The following AMD1 variants were observed in gnomAD, a reference collection of about 807,000 sequenced individuals.
AMD1 encodes adenosylmethionine decarboxylase 1.
In AMD1, 11 loss-of-function variants were observed where a neutral mutation model predicts 40.2. That is an observed-to-expected ratio of 0.27 (90% CI 0.17 to 0.45). The LOEUF (loss-of-function observed/expected upper bound fraction) is 0.45, where lower values mean the gene tolerates loss of function less well. Among genes scored for constraint, AMD1 ranks in the 20% least tolerant of loss-of-function variants. AMD1 has a pLI of 1.00. For synonymous variants in AMD1, 121 were observed against 130.8 expected (o/e 0.93, Z 0.51); for missense variants, 257 against 410.2 (o/e 0.63, Z 3.23).
At chr6:110,814,968 G>A in the AMD1 span, 1 of 1,596,778 alleles carries the variant, frequency 6.3e-7, no homozygotes, top group Non-Finnish European at 8.5e-7. Flanking sequence ...CGGGCAGGGC[G>A]AGGACCCGAG....
the AMD1 span, among the ~76,000 whole-genome samples, chr6:110,851,727 G>C: frequency 6.6e-6 from 1 of 152,104 alleles, no homozygotes; most frequent in Non-Finnish European, 1.5e-5. Flanking sequence ...CTCCCAAAAT[G>C]CTGGGATTAC....
At chr6:110,825,018 C>G in the AMD1 span, among the ~76,000 whole-genome samples, 1 of 152,106 alleles carries the variant, frequency 6.6e-6, no homozygotes, top group Non-Finnish European at 1.5e-5. Flanking sequence ...GACTGCAATA[C>G]CCAGTATAGT....
At chr6:110,841,697 G>C in the AMD1 span, among the ~76,000 whole-genome samples, 1 of 148,560 alleles carries the variant, frequency 6.7e-6, no homozygotes, top group Non-Finnish European at 1.5e-5. Context: ...ATTCAGGTGT[G>C]TTAGATACAA....
the AMD1 span, among the ~76,000 whole-genome samples, chr6:110,833,709 C>A: frequency 2.5e-4 from 38 of 152,130 alleles, 1 homozygote; most frequent in East Asian, 3.5e-3. Flanking sequence ...TTTTCTTTAC[C>A]CTCTTAAAAG....
chr6:110,815,741 A>G, the AMD1 span: 2 of 152,458 alleles, frequency 1.3e-5, no homozygotes, highest in Non-Finnish European at 2.9e-5. Flanking sequence ...GCCTTACTCT[A>G]GTGGGAAGGG....
chr6:110,888,320 C>T (rs757914200), intron 2 of AMD1: 1 of 152,258 alleles, frequency 6.6e-6, no homozygotes, highest in African/African-American at 2.4e-5. Context: ...CCCCTCCCCC[C>T]CTTTTTTTTT....
chr6:110,883,957 A>G (rs1254263524), intron 1 of AMD1, among the ~76,000 whole-genome samples: 1 of 152,162 alleles, frequency 6.6e-6, no homozygotes, highest in African/African-American at 2.4e-5. Context: ...TGAGTCAGGC[A>G]TTGTCAGAGA....
chr6:110,892,109 A>G lies in AMD1; in HGVS notation c.428-52A>G, dbSNP rs372977949. 2.6e-5 allele frequency: 42 copies of G among 1,587,298 alleles called. No individual in the cohort carries two copies. The African/African-American group carries it at 5.4e-4, about 20-fold the overall frequency. On this transcript the variant is annotated intron_variant, in intron 4 of 8. Transcript: ENST00000368885. The stretch of plus-strand genomic sequence containing the variant: ...TATTGTGGAAGGGTAGTAACAAACC[A>G]TCCTATTAAATGGATGTGTTATATT...
At chr6:110,858,795 C>G in the AMD1 span, 1 of 768,194 alleles carries the variant, frequency 1.3e-6, no homozygotes, top group South Asian at 1.4e-5. Flanking sequence ...GCGTACAGCA[C>G]AAGGAGGCAT....
At chr6:110,885,458 TCTCC>T (rs1461749454) in intron 1 of AMD1, among the ~76,000 whole-genome samples, 3 of 151,798 alleles carry the variant, frequency 2.0e-5, no homozygotes, top group African/African-American at 7.3e-5. Flanking sequence ...TGAGACGGAG[TCTCC>T]CTCTGTTGCC....
the AMD1 span, among the ~76,000 whole-genome samples, chr6:110,818,602 G>A: frequency 1.3e-5 from 2 of 152,094 alleles, no homozygotes; most frequent in East Asian, 3.9e-4. Context: ...ATGCTGTGGC[G>A]CGATCTCACC....
the AMD1 span, among the ~76,000 whole-genome samples, chr6:110,830,568 G>T: frequency 6.6e-6 from 1 of 152,186 alleles, no homozygotes; most frequent in African/African-American, 2.4e-5. Context: ...ATTTGCATGT[G>T]ATTAAAACTG....
the AMD1 span, among the ~76,000 whole-genome samples, chr6:110,843,304 A>G: frequency 6.6e-6 from 1 of 151,366 alleles, no homozygotes; most frequent in Admixed American, 6.6e-5. Context: ...TCTACTAAAA[A>G]TACAAAAAAA....
the AMD1 span, among the ~76,000 whole-genome samples, chr6:110,845,202 C>T: frequency 1.2e-4 from 19 of 152,164 alleles, no homozygotes; most frequent in Admixed American, 9.8e-4. Flanking sequence ...CCACGCCCGG[C>T]TAATTTTTGT....
intron 1 of AMD1, among the ~76,000 whole-genome samples, chr6:110,876,242 C>T (rs1033269208): frequency 2.0e-5 from 3 of 152,196 alleles, no homozygotes; most frequent in Non-Finnish European, 2.9e-5. Context: ...TTCCTGGCGG[C>T]GGTCGCACCG....
the AMD1 span, among the ~76,000 whole-genome samples, chr6:110,843,576 T>C: frequency 6.7e-3 from 1,017 of 152,032 alleles, 5 homozygotes; most frequent in Middle Eastern, 0.014. Context: ...AAAATAAATA[T>C]GTTTAATATA....
At chr6:110,852,860 G>C in the AMD1 span, among the ~76,000 whole-genome samples, 1 of 151,872 alleles carries the variant, frequency 6.6e-6, no homozygotes, top group Non-Finnish European at 1.5e-5. Flanking sequence ...AGTTAATTAA[G>C]TAGTTCTAAA....
chr6:110,814,619 C>T, the AMD1 span: 13 of 471,326 alleles, frequency 2.8e-5, no homozygotes, highest in Admixed American at 3.0e-4. Flanking sequence ...CAACGACCGT[C>T]ACTACCCAGG....
At chr6:110,834,024 G>A in the AMD1 span, among the ~76,000 whole-genome samples, 2 of 152,078 alleles carry the variant, frequency 1.3e-5, no homozygotes, top group African/African-American at 2.4e-5. Context: ...GCTTACTGCA[G>A]CCTGGACTTC....
Sources: allele counts gnomAD v4.1 joint callset (sites outside exome capture counted in the v4.1 genomes callset), GRCh38; gene constraint gnomAD v4.1.1; transcripts MANE v1.5; gene names NCBI Gene and HGNC (gene_info 2026-07-23, HGNC 2026-07-21).